The following PSD3 variants were observed in gnomAD, a reference collection of about 807,000 sequenced individuals.
PSD3 encodes pleckstrin and Sec7 domain containing 3, also known as PH and SEC7 domain-containing protein 3.
PSD3 carries 49 observed loss-of-function variants against 105.5 expected under a neutral mutation model. That is an observed-to-expected ratio of 0.46 (90% CI 0.37 to 0.59). The LOEUF (loss-of-function observed/expected upper bound fraction) is 0.59, where lower values mean the gene tolerates loss of function less well. Ranked by LOEUF, PSD3 falls within the 20% of genes least tolerant of loss-of-function variation. The probability of loss-of-function intolerance (pLI) is 0.00; values close to 1 mark genes in which losing one functional copy is unlikely to be tolerated. For missense variants in PSD3, 1,561 were observed against 1,263.8 expected (o/e 1.24, Z -3.57); for synonymous variants, 557 against 457.8 (o/e 1.22, Z -2.77).
intron 11 of PSD3, among the ~76,000 whole-genome samples, chr8:18,622,689 A>G (rs112408960): frequency 3.3e-5 from 5 of 152,212 alleles, no homozygotes; most frequent in East Asian, 3.8e-4. Context: ...GCTAACTGAC[A>G]TACTTTTCAC....
chr8:18,898,026 C>T (rs1195609479), intron 2 of PSD3, among the ~76,000 whole-genome samples: 1 of 152,160 alleles, frequency 6.6e-6, no homozygotes, highest in Admixed American at 6.5e-5. Flanking sequence ...GAAAAGTTTG[C>T]AGCTTTCCCC....
intron 12 of PSD3, among the ~76,000 whole-genome samples, chr8:18,599,834 G>GCAT (rs1341400663): frequency 3.3e-5 from 5 of 152,124 alleles, no homozygotes; most frequent in African/African-American, 1.2e-4. Flanking sequence ...TCTGTTGTGT[G>GCAT]CATGGAGGGA....
At chr8:18,823,370 T>C (rs149594059) in intron 4 of PSD3, among the ~76,000 whole-genome samples, 50 of 152,270 alleles carry the variant, frequency 3.3e-4, no homozygotes, top group African/African-American at 1.2e-3. Context: ...ATCCTTTAAA[T>C]CAGTTAAAAG....
At chr8:18,919,097 T>G (rs563792587) in intron 2 of PSD3, among the ~76,000 whole-genome samples, 1 of 152,220 alleles carries the variant, frequency 6.6e-6, no homozygotes, top group East Asian at 1.9e-4. Context: ...GATATATAAT[T>G]TACCTGCAAA....
intron 4 of PSD3, among the ~76,000 whole-genome samples, chr8:18,844,888 T>A (rs1486153096): frequency 6.6e-6 from 1 of 152,170 alleles, no homozygotes; most frequent in East Asian, 1.9e-4. Context: ...AGCGCTGGGA[T>A]CCGAAACAAG....
intron 9 of PSD3, among the ~76,000 whole-genome samples, chr8:18,729,190 C>A (rs1803550632): frequency 1.3e-5 from 2 of 152,152 alleles, no homozygotes; most frequent in Admixed American, 6.5e-5. Context: ...CTTTGAGACT[C>A]TGAACTAGTC....
chr8:19,079,519 T>A (rs1829573910), intron 1 of PSD3, among the ~76,000 whole-genome samples: 1 of 152,162 alleles, frequency 6.6e-6, no homozygotes, highest in Non-Finnish European at 1.5e-5. Flanking sequence ...AAAAACAACT[T>A]TTAAACTTAT....
chr8:18,681,466 A>G (rs1260288117), intron 9 of PSD3, among the ~76,000 whole-genome samples: 3 of 146,540 alleles, frequency 2.0e-5, no homozygotes, highest in South Asian at 2.1e-4. Flanking sequence ...AAAAAAAAAA[A>G]AAGAAGAGGA....
rs1801776392 is a variant in PSD3 at position 18,566,590 on chromosome 8, A to G, written c.2784+5938T>C. On this transcript the variant is annotated intron_variant, in intron 14 of 15. Transcript: ENST00000327040. ...AGAACCATCTCATTTTTCTAGATGG[A>G]AAGCTGAGGCCCACAAAGCAAATGC... 3.3e-5 allele frequency among the ~76,000 whole-genome samples: 5 copies of G among 152,032 alleles called. No homozygotes were observed. In the South Asian group the frequency reaches 1.0e-3, roughly 32 times the overall value.
At chr8:18,733,735 A>C (rs114259867) in intron 9 of PSD3, 1 of 152,670 alleles carries the variant, frequency 6.6e-6, no homozygotes, top group African/African-American at 2.4e-5. Context: ...ACCAAAAAAA[A>C]GGCAATTATC....
intron 12 of PSD3, among the ~76,000 whole-genome samples, chr8:18,588,540 C>A (rs1342565223): frequency 6.6e-6 from 1 of 151,980 alleles, no homozygotes; most frequent in South Asian, 2.2e-4. Flanking sequence ...GCAACCCGAA[C>A]AATAACCCAT....
At chr8:18,866,235 C>T (rs1816925178) in intron 4 of PSD3, among the ~76,000 whole-genome samples, 1 of 152,232 alleles carries the variant, frequency 6.6e-6, no homozygotes, top group Non-Finnish European at 1.5e-5. Context: ...GTGGCACCCT[C>T]CACTGAGGAG....
intron 2 of PSD3, among the ~76,000 whole-genome samples, chr8:18,905,542 G>A (rs1312878831): frequency 2.6e-5 from 4 of 152,186 alleles, no homozygotes; most frequent in South Asian, 4.1e-4. Flanking sequence ...GGCTGGTCTC[G>A]AACTCCTGAC....
intron 9 of PSD3, among the ~76,000 whole-genome samples, chr8:18,693,077 T>G (rs1403445113): frequency 6.6e-6 from 1 of 152,120 alleles, no homozygotes; most frequent in African/African-American, 2.4e-5. Flanking sequence ...AACATGGAGA[T>G]GATGAACTTC....
intron 2 of PSD3, chr8:18,886,838 G>A (rs1052884970): frequency 6.6e-6 from 1 of 152,244 alleles, no homozygotes; most frequent in East Asian, 1.9e-4. Context: ...GAGCCGAGAG[G>A]AGCTGCTGCC....
chr8:18,577,566 T>A (rs1802538210), intron 12 of PSD3, among the ~76,000 whole-genome samples: 1 of 152,092 alleles, frequency 6.6e-6, no homozygotes, highest in African/African-American at 2.4e-5. Flanking sequence ...TTTATAACTA[T>A]CATCTTCCTT....
intron 9 of PSD3, among the ~76,000 whole-genome samples, chr8:18,739,500 G>A (rs1292567573): frequency 6.6e-6 from 1 of 152,142 alleles, no homozygotes; most frequent in Non-Finnish European, 1.5e-5. Context: ...TGAAAATAAA[G>A]AAGAAGGTAA....
intron 11 of PSD3, among the ~76,000 whole-genome samples, chr8:18,606,806 G>A (rs960795501): frequency 6.6e-6 from 1 of 152,170 alleles, no homozygotes; most frequent in Non-Finnish European, 1.5e-5. Flanking sequence ...CATTAACTAA[G>A]CACCTACACT....
At chr8:18,820,908 C>T (rs976622611) in intron 4 of PSD3, among the ~76,000 whole-genome samples, 3 of 151,974 alleles carry the variant, frequency 2.0e-5, no homozygotes. Flanking sequence ...AGTCACAATG[C>T]TCAGCTAATT....
Sources: allele counts gnomAD v4.1 joint callset (sites outside exome capture counted in the v4.1 genomes callset), GRCh38; gene constraint gnomAD v4.1.1; transcripts MANE v1.5; gene names NCBI Gene and HGNC (gene_info 2026-07-23, HGNC 2026-07-21).